Variants in UBTD2 observed in about 807,000 individuals in gnomAD.
UBTD2 encodes the protein ubiquitin domain containing 2.
A neutral mutation model predicts 19.8 loss-of-function variants in UBTD2; 9 were observed. The observed-to-expected ratio is 0.46, with a 90% confidence interval of 0.27 to 0.79. The LOEUF (loss-of-function observed/expected upper bound fraction) is 0.79. Ranked by LOEUF, UBTD2 falls within the 30% of genes least tolerant of loss-of-function variation. The pLI, the probability that UBTD2 is intolerant of heterozygous loss-of-function variation, is 0.14. For missense variants in UBTD2, 250 were observed against 300.4 expected (o/e 0.83, Z 1.24); for synonymous variants, 98 against 103.9 (o/e 0.94, Z 0.35).
chr5:172,249,055 A>G (rs1438058571), intron 1 of UBTD2, among the ~76,000 whole-genome samples: 1 of 152,164 alleles, frequency 6.6e-6, no homozygotes, highest in African/African-American at 2.4e-5. Context: ...ACAAATAACT[A>G]AAATTAGAAA....
At position 172,223,586 on chromosome 5, in the gene UBTD2, CAAAAAAAAAAAAAAA is replaced by C. The variant is rs577474758; in HGVS notation, c.307+10521_307+10535del. 7.8e-4 allele frequency among the ~76,000 whole-genome samples: 26 copies of C among 33,128 alleles called. No homozygotes were observed. In the East Asian group the frequency reaches 0.021, roughly 27 times the overall value. 21.7% of individuals were successfully genotyped at this position (33,128 alleles called of 152,430 possible). A position where few individuals can be genotyped will look rare whatever the true frequency, so the allele number is the denominator to read the frequency against. ...TGCACTCCAGCCTGGGCGACGGAGT[CAAAAAAAAAAAAAAA>C]AAAAAAAAAAAAAAAAGCACACTTA... On this transcript the variant is annotated intron_variant, in intron 2 of 2. Transcript: ENST00000393792.
At chr5:172,270,449 G>A (rs1054387072) in intron 1 of UBTD2, among the ~76,000 whole-genome samples, 1 of 143,196 alleles carries the variant, frequency 7.0e-6, no homozygotes, top group African/African-American at 2.7e-5. Context: ...TCTGCCTCCC[G>A]GGTTCAAGCA....
chr5:172,257,988 T>C (rs1014836495), intron 1 of UBTD2, among the ~76,000 whole-genome samples: 2 of 152,240 alleles, frequency 1.3e-5, no homozygotes, highest in Non-Finnish European at 2.9e-5. Flanking sequence ...TTTCTTTTGC[T>C]GTGCAGAAGC....
chr5:172,274,480 A>AT (rs1326854461), intron 1 of UBTD2, among the ~76,000 whole-genome samples: 1 of 152,132 alleles, frequency 6.6e-6, no homozygotes, highest in Non-Finnish European at 1.5e-5. Flanking sequence ...GAATAGAAGC[A>AT]TAAGAAAATT....
intron 1 of UBTD2, among the ~76,000 whole-genome samples, chr5:172,255,973 C>A (rs1187460818): frequency 1.3e-5 from 2 of 151,988 alleles, no homozygotes; most frequent in Admixed American, 6.6e-5. Context: ...CCTGTAATCC[C>A]AGCTACTTGG....
intron 1 of UBTD2, among the ~76,000 whole-genome samples, chr5:172,280,823 C>T (rs1755699549): frequency 2.0e-5 from 3 of 152,150 alleles, no homozygotes; most frequent in African/African-American, 7.2e-5. Flanking sequence ...CCATATTCTA[C>T]AGTCTCTTAT....
chr5:172,235,363 A>T (rs921204141), intron 1 of UBTD2, among the ~76,000 whole-genome samples: 8 of 152,198 alleles, frequency 5.3e-5, no homozygotes, highest in Non-Finnish European at 1.0e-4. Flanking sequence ...TGATTAGAGG[A>T]ATGCTTCCTC....
intron 1 of UBTD2, chr5:172,255,331 C>T: frequency 2.2e-6 from 1 of 456,992 alleles, no homozygotes; most frequent in Non-Finnish European, 4.4e-6. Context: ...GTAGATGACC[C>T]CATACTTGTT....
At chr5:172,255,962 A>C (rs1755138918) in intron 1 of UBTD2, among the ~76,000 whole-genome samples, 1 of 151,980 alleles carries the variant, frequency 6.6e-6, no homozygotes, top group Admixed American at 6.6e-5. Flanking sequence ...GGTGGCGGAT[A>C]CCTGTAATCC....
chr5:172,276,833 G>A (rs906380510), intron 1 of UBTD2, among the ~76,000 whole-genome samples: 1 of 152,020 alleles, frequency 6.6e-6, no homozygotes, highest in Non-Finnish European at 1.5e-5. Flanking sequence ...CACTTTGGGA[G>A]TCTGAGGCAG....
In UBTD2 at chr5:172,233,178, G is replaced by A. The variant is rs367955644; in HGVS notation, c.307+944C>T. Reference sequence around the variant, plus strand: ...TCTTTCATGTGACATACAGTGAAAGGACATAAAGCAGATGGTTCAACAATG... The same window carrying A: ...TCTTTCATGTGACATACAGTGAAAGAACATAAAGCAGATGGTTCAACAATG... On this transcript the variant is annotated intron_variant, in intron 2 of 2. Coordinates refer to ENST00000393792, the MANE Select transcript of UBTD2 (RefSeq NM_152277.3). Among the ~76,000 whole-genome samples the A allele has an allele frequency of 7.2e-5, 11 of 152,198 alleles. No individual in the cohort carries two copies. The South Asian group carries it at 1.7e-3, about 23-fold the overall frequency.
At chr5:172,277,130 T>C (rs1259716932) in intron 1 of UBTD2, among the ~76,000 whole-genome samples, 2 of 148,902 alleles carry the variant, frequency 1.3e-5, no homozygotes, top group Non-Finnish European at 3.0e-5. Flanking sequence ...AGTACATTTA[T>C]GAATTACTTT....
Position 172,209,741 on chromosome 5 carries a change from A to C in UBTD2, c.*2089T>G, listed in dbSNP as rs993065061. ...TACTGGTCCAATCTTATATCAATCTATTTACAATTAAACAGCACCATGGTT... is the reference window on the plus strand; with the variant it reads ...TACTGGTCCAATCTTATATCAATCTCTTTACAATTAAACAGCACCATGGTT... On this transcript the variant is annotated 3_prime_UTR_variant, in exon 3 of 3. Coordinates refer to ENST00000393792, the MANE Select transcript of UBTD2 (RefSeq NM_152277.3). 6.6e-6 allele frequency: 1 copy of C among 152,274 alleles called. No individual in the cohort carries two copies. Among genetic ancestry groups the C allele is most frequent in the Non-Finnish European group, 1.5e-5 (1 of 67,992 alleles). The allele number at this position is 152,274 out of a possible 1,614,324, so 9.4% of individuals were successfully genotyped here.
At chr5:172,243,120 G>A (rs1435585910) in intron 1 of UBTD2, among the ~76,000 whole-genome samples, 1 of 141,640 alleles carries the variant, frequency 7.1e-6, no homozygotes, top group Admixed American at 7.3e-5. Context: ...CAGCCACCAT[G>A]ACTGGCCTTT....
At chr5:172,275,918 C>G (rs6894637) in intron 1 of UBTD2, among the ~76,000 whole-genome samples, 1 of 152,060 alleles carries the variant, frequency 6.6e-6, no homozygotes. Context: ...TTTACTTCTC[C>G]TTTTCTCTTC....
chr5:172,268,253 G>A (rs773744131), intron 1 of UBTD2, among the ~76,000 whole-genome samples: 4 of 152,050 alleles, frequency 2.6e-5, no homozygotes, highest in Non-Finnish European at 4.4e-5. Context: ...GATTATTTCT[G>A]GGTAGAAAAA....
intron 1 of UBTD2, among the ~76,000 whole-genome samples, chr5:172,259,209 C>T (rs1755218860): frequency 6.6e-6 from 1 of 152,164 alleles, no homozygotes; most frequent in African/African-American, 2.4e-5. Flanking sequence ...GTGGTGCCAC[C>T]TCGGCTGACT....
intron 2 of UBTD2, among the ~76,000 whole-genome samples, chr5:172,233,268 C>T (rs1771942193): frequency 6.6e-6 from 1 of 151,916 alleles, no homozygotes; most frequent in Non-Finnish European, 1.5e-5. Flanking sequence ...AATGAAGGTA[C>T]AATAATGAAT....
At chr5:172,242,257 T>C (rs1467450154) in intron 1 of UBTD2, 3 of 416,186 alleles carry the variant, frequency 7.2e-6, no homozygotes, top group East Asian at 1.6e-4. Flanking sequence ...TATTCCTTTA[T>C]GGCAAGGCAA....
Sources: gnomAD v4.1 joint callset for allele counts (sites outside exome capture counted in the v4.1 genomes callset) on GRCh38, gnomAD v4.1.1 for gene constraint, MANE v1.5 for transcripts, NCBI Gene and HGNC (gene_info 2026-07-23, HGNC 2026-07-21) for gene names.